TBC1D31: variants seen among roughly 807,000 people sequenced by gnomAD.
The protein encoded by TBC1D31 is WD repeat domain 67.
TBC1D31 carries 99 observed loss-of-function variants against 132.9 expected under a neutral mutation model. The observed-to-expected ratio is 0.74, with a 90% CI of 0.63 to 0.88. The LOEUF (loss-of-function observed/expected upper bound fraction) is 0.88, where lower values mean the gene tolerates loss of function less well. Among genes scored for constraint, TBC1D31 ranks in the 40% least tolerant of loss-of-function variants. The pLI is 0.00. For missense variants in TBC1D31, 1,134 were observed against 1,256.6 expected (o/e 0.90, Z 1.48); for synonymous variants, 385 against 419.4 (o/e 0.92, Z 1.00).
chr8:123,077,363 A>G (rs921248693), intron 2 of TBC1D31, 106 bp downstream of exon 2: 28 of 1,210,716 alleles, frequency 2.3e-5, no homozygotes, highest in African/African-American at 4.6e-5. Flanking sequence ...ATTAAGTTCT[A>G]TTATATTTCA....
intron 2 of TBC1D31, 98 bp from the exon 3 acceptor site, chr8:123,082,604 T>C: frequency 1.2e-6 from 1 of 807,754 alleles, no homozygotes; most frequent in Non-Finnish European, 1.9e-6. Context: ...TAGCTCATTT[T>C]TCTGGGTTTC....
chr8:123,145,719 A>C (rs1007634155), intron 20 of TBC1D31, among the ~76,000 whole-genome samples: 4 of 151,892 alleles, frequency 2.6e-5, no homozygotes, highest in Admixed American at 6.6e-5. Context: ...ATTTCCAAAA[A>C]TTATAGAGTA....
intron 11 of TBC1D31, among the ~76,000 whole-genome samples, chr8:123,125,572 C>T (rs1236834269): frequency 2.0e-5 from 3 of 152,120 alleles, no homozygotes; most frequent in Non-Finnish European, 4.4e-5. Context: ...ATTAGGGATA[C>T]AGTATATACA....
In TBC1D31 at chr8:123,097,322, C is replaced by T. The variant is rs983397084; in HGVS notation, c.712C>T (p.Leu238Phe). 1 of 1,614,136 alleles carries T rather than the reference C, an allele frequency of 6.2e-7. No individual in the cohort carries two copies. Residue 238 changes from leucine to phenylalanine, a missense_variant, in exon 6 of 22, where the codon CTT (leucine) becomes TTT (phenylalanine). Leu to Phe is a conservative substitution (Grantham distance 22, BLOSUM62 0). Coordinates refer to ENST00000287380, the MANE Select transcript of TBC1D31 (RefSeq NM_145647.4). ...ILAAGGKSNH[L>F]HLWCLEARQL... Reference sequence around the variant, plus strand: ...GGCTGCTGGAGGCAAGTCAAATCATCTTCATTTGTGGTGCTTGGAAGCTAG... The same window carrying T: ...GGCTGCTGGAGGCAAGTCAAATCATTTTCATTTGTGGTGCTTGGAAGCTAG...
intron 1 of TBC1D31, chr8:123,073,279 T>C (rs1814101164): frequency 2.2e-6 from 1 of 460,776 alleles, no homozygotes; most frequent in African/African-American, 2.0e-5. Flanking sequence ...GGCTGCAGTT[T>C]ATCCATCCTT....
At chr8:123,096,760 A>G (rs968394184) in intron 5 of TBC1D31, among the ~76,000 whole-genome samples, 1 of 152,232 alleles carries the variant, frequency 6.6e-6, no homozygotes, top group African/African-American at 2.4e-5. Flanking sequence ...TTGTTGAATG[A>G]GTGAGCAACG....
chr8:123,144,666 TG>T, intron 19 of TBC1D31, 50 bp from the exon 20 acceptor site: 1 of 1,533,600 alleles, frequency 6.5e-7, no homozygotes, highest in Non-Finnish European at 8.8e-7. Flanking sequence ...CTGTGAAATG[TG>T]TATTACTATA....
At position 123,151,939 on chromosome 8, in the gene TBC1D31, G is replaced by A. The variant is rs1822818025; in HGVS notation, c.3201G>A (p.Ter1067=). 2 of 1,530,624 alleles carry A rather than the reference G, an allele frequency of 1.3e-6. No homozygotes were observed. The highest frequency in any genetic ancestry group is 1.7e-4 in the Middle Eastern group (1 of 5,810). 94.8% of individuals were successfully genotyped at this position (1,530,624 alleles called of 1,614,324 possible). ...AAACCCCTCATCTTTTGGCTGCATA[G>A]AATGCATGTCACCTTGAGACGGTCG... ...RCQTPHLLAA[*] Residue 1067 remains the stop codon, a stop_retained_variant, in exon 22 of 22, where the codon TAG becomes TAA. Transcript: ENST00000287380.
At chr8:123,157,315 T>A in the TBC1D31 span, among the ~76,000 whole-genome samples, 1 of 152,102 alleles carries the variant, frequency 6.6e-6, no homozygotes, top group Admixed American at 6.5e-5. Flanking sequence ...CTAGTAAGGG[T>A]TTCCGGACGG....
intron 8 of TBC1D31, among the ~76,000 whole-genome samples, chr8:123,107,375 C>T (rs1331799288): frequency 6.6e-6 from 1 of 152,138 alleles, no homozygotes; most frequent in African/African-American, 2.4e-5. Context: ...TTCTCCCTAC[C>T]CCATATATAT....
chr8:123,124,590 G>A (rs1819846740), intron 11 of TBC1D31, among the ~76,000 whole-genome samples: 1 of 152,072 alleles, frequency 6.6e-6, no homozygotes. Context: ...CAGTGTCAGA[G>A]ACATAACAAG....
At chr8:123,163,181 G>A in the TBC1D31 span, among the ~76,000 whole-genome samples, 122,861 of 151,776 alleles carry the variant, frequency 0.81, 50,205 homozygotes, top group African/African-American at 0.93. Flanking sequence ...CGGCCTCCCA[G>A]AGTGCTGGGA....
In TBC1D31 at chr8:123,126,057, C is replaced by A; in HGVS notation, c.1572C>A (p.Ile524=). The A allele has an allele frequency of 6.3e-7, 1 of 1,579,884 alleles. No homozygotes were observed. Among genetic ancestry groups the A allele is most frequent in the East Asian group, 2.3e-5 (1 of 44,102 alleles). ...TGTTTTCTTTTTTTTCCTTCATAGT[C>A]AATTGGTGTCAACACTGGTTTGAAT... ...ICFEVIATLI[I]NWCQHWFEYF... The change falls in exon 12 of 22, where the codon ATC becomes ATA. Residue 524 remains isoleucine (I), a splice_region_variant and synonymous_variant. Coordinates refer to ENST00000287380, the MANE Select transcript of TBC1D31 (RefSeq NM_145647.4).
intron 1 of TBC1D31, among the ~76,000 whole-genome samples, chr8:123,074,093 G>T (rs1305221366): frequency 6.6e-6 from 1 of 151,144 alleles, no homozygotes; most frequent in Non-Finnish European, 1.5e-5. Flanking sequence ...ATGCAGTGGC[G>T]CGATCTCGGC....
the TBC1D31 span, among the ~76,000 whole-genome samples, chr8:123,162,976 G>A: frequency 1.2e-4 from 18 of 152,082 alleles, no homozygotes; most frequent in East Asian, 3.3e-3. Flanking sequence ...GGGATTACAG[G>A]CGCGCCACCA....
At chr8:123,119,703 G>A (rs911903159) in intron 10 of TBC1D31, among the ~76,000 whole-genome samples, 1 of 152,140 alleles carries the variant, frequency 6.6e-6, no homozygotes, top group South Asian at 2.1e-4. Flanking sequence ...ACAGAGCAAG[G>A]CCCTGTTTCG....
Position 123,128,289 on chromosome 8 carries a change from T to TC in TBC1D31, c.1894dup (p.His632ProfsTer5). On this transcript the variant is annotated frameshift_variant, in exon 14 of 22. Transcript: ENST00000287380. LOFTEE classifies it high-confidence loss of function. The stretch of plus-strand genomic sequence containing the variant: ...ACCAAGTTTTCTTACAGTTTTTTTT[T>TC]CACCATCGGAATAACCTGGATATAA... The TC allele has an allele frequency of 6.3e-7, 1 of 1,586,610 alleles. No individual in the cohort carries two copies.
At chr8:123,131,898 T>C (rs1458036548) in intron 16 of TBC1D31, among the ~76,000 whole-genome samples, 1 of 152,216 alleles carries the variant, frequency 6.6e-6, no homozygotes, top group Non-Finnish European at 1.5e-5. Flanking sequence ...AGGTTAAGTA[T>C]CTTTTCTGTT....
At chr8:123,138,729 CAT>C (rs1487730447) in intron 17 of TBC1D31, among the ~76,000 whole-genome samples, 3 of 152,148 alleles carry the variant, frequency 2.0e-5, no homozygotes, top group Non-Finnish European at 4.4e-5. Context: ...AGCATCTTTT[CAT>C]ATGTTTATTG....
Sources: allele counts gnomAD v4.1 joint callset (sites outside exome capture counted in the v4.1 genomes callset), GRCh38; gene constraint gnomAD v4.1.1; transcripts MANE v1.5; gene names NCBI Gene and HGNC (gene_info 2026-07-23, HGNC 2026-07-21).